Variants in ITCH observed in about 807,000 individuals in gnomAD.
The protein encoded by ITCH is E3 ubiquitin-protein ligase Itchy homolog.
ITCH carries 28 observed loss-of-function variants against 126.8 expected under a neutral mutation model. The ratio of observed to expected loss-of-function variants is 0.22; its 90% CI spans 0.16 to 0.30. The LOEUF (loss-of-function observed/expected upper bound fraction) is 0.30. ITCH is among the 10% of genes least tolerant of loss of function. ITCH has a pLI of 1.00. For missense variants in ITCH, 631 were observed against 1,032.4 expected, an observed-to-expected ratio of 0.61 and a Z score of 5.33; for synonymous variants, 342 against 340.0, an observed-to-expected ratio of 1.01 and a Z score of -0.06.
chr20:34,464,622 C>T (rs1986875392), intron 14 of ITCH, among the ~76,000 whole-genome samples: 1 of 152,082 alleles, frequency 6.6e-6, no homozygotes, highest in African/African-American at 2.4e-5. Flanking sequence ...GCTCCGCGCC[C>T]AGCCTGTCAG....
At chr20:34,387,665 AGACT>A (rs1019684590) in intron 2 of ITCH, among the ~76,000 whole-genome samples, 5 of 151,586 alleles carry the variant, frequency 3.3e-5, no homozygotes, top group African/African-American at 1.2e-4. Flanking sequence ...TGTAACTGAC[AGACT>A]AATAGGTAAT....
At chr20:34,470,718 C>T (rs1350416710) in intron 15 of ITCH, among the ~76,000 whole-genome samples, 1 of 152,030 alleles carries the variant, frequency 6.6e-6, no homozygotes, top group Middle Eastern at 3.2e-3. Context: ...TCAGCCTTCT[C>T]GCTAGCTGAC....
At chr20:34,443,347 T>A (rs563435966) in intron 10 of ITCH, among the ~76,000 whole-genome samples, 1 of 151,850 alleles carries the variant, frequency 6.6e-6, no homozygotes, top group East Asian at 1.9e-4. Context: ...CCGTCTCTAC[T>A]AAAAATACAA....
At chr20:34,458,637 C>T (rs901225329) in intron 13 of ITCH, among the ~76,000 whole-genome samples, 3 of 152,202 alleles carry the variant, frequency 2.0e-5, no homozygotes, top group South Asian at 2.1e-4. Context: ...CATGCTCACT[C>T]AGAAGATACT....
chr20:34,440,449 A>T (rs1983599421), intron 9 of ITCH, 105 bp downstream of exon 9: 1 of 871,710 alleles, frequency 1.1e-6, no homozygotes, highest in Non-Finnish European at 1.9e-6. Flanking sequence ...CATTGTTTTG[A>T]TGACTGTTTT....
In ITCH at chr20:34,508,372, A is replaced by G. The variant is rs549275297; in HGVS notation, c.*578A>G. On this transcript the variant is annotated 3_prime_UTR_variant, in exon 25 of 25. Coordinates refer to ENST00000374864, the MANE Select transcript of ITCH (RefSeq NM_031483.7). The stretch of plus-strand genomic sequence containing the variant: ...TGAGGCAAGACTCTTGCATCTCTAC[A>G]AAGTAGTTTTGTCAATTTGAATTCA... 6 of 158,354 alleles carry G rather than the reference A, an allele frequency of 3.8e-5. No homozygotes were observed. The highest frequency in any genetic ancestry group is 3.4e-3 in the Middle Eastern group (1 of 296). 9.8% of individuals were successfully genotyped at this position (158,354 alleles called of 1,614,324 possible).
In ITCH at chr20:34,468,201, A is replaced by G. The variant is rs1176575977; in HGVS notation, c.1425-1847A>G. Among the ~76,000 whole-genome samples, 3 of 151,668 alleles carry G rather than the reference A, an allele frequency of 2.0e-5. No homozygotes were observed. In the East Asian group the frequency reaches 5.9e-4, roughly 30 times the overall value. On this transcript the variant is annotated intron_variant, in intron 14 of 24. Transcript: ENST00000374864. ...AGACGCCCGCCACCACACCTGGCTA[A>G]TTTTTTGTATTTTTAGTAGAGACGG... is the stretch of plus-strand genomic sequence containing the variant.
chr20:34,445,263 T>G (rs199941333), intron 10 of ITCH, 24 bp from the exon 11 acceptor site: 11 of 1,556,994 alleles, frequency 7.1e-6, no homozygotes, highest in East Asian at 2.3e-5. Flanking sequence ...TTAGCTTGTT[T>G]TTTTTTTTTT....
chr20:34,371,550 C>T (rs1403073474), intron 2 of ITCH, among the ~76,000 whole-genome samples: 1 of 151,996 alleles, frequency 6.6e-6, no homozygotes, highest in Non-Finnish European at 1.5e-5. Flanking sequence ...TCCCAAAGTG[C>T]TGGGATTATA....
Position 34,445,277 on chromosome 20 carries a change from T to TTC in ITCH, c.966-10_966-9insTC, listed in dbSNP as rs1984309516. On this transcript the variant is annotated splice_polypyrimidine_tract_variant and intron_variant, in intron 10 of 24. Transcript: ENST00000374864. ...ATTAGCTTGTTTTTTTTTTTTTTTT[T>TTC]CTGATTTAGCTGGGAACGGCGGGTT... 1 of 1,597,906 alleles carries TTC rather than the reference T, an allele frequency of 6.3e-7. No individual in the cohort carries two copies. Among genetic ancestry groups the TTC allele is most frequent in the Non-Finnish European group, 8.5e-7 (1 of 1,174,980 alleles).
chr20:34,457,377 G>T lies in ITCH; in HGVS notation c.1211-13G>T. On this transcript the variant is annotated splice_polypyrimidine_tract_variant and intron_variant, in intron 12 of 24. Coordinates refer to ENST00000374864, the MANE Select transcript of ITCH (RefSeq NM_031483.7). ...TAATGCTTTGCTTTCCCCTGCCCCT[G>T]CCCTTCCCAAAGAGAAGAGAACAGA... 3 of 1,597,358 alleles carry T rather than the reference G, an allele frequency of 1.9e-6. No homozygotes were observed. Among genetic ancestry groups the T allele is most frequent in the Non-Finnish European group, 1.7e-6 (2 of 1,165,192 alleles).
chr20:34,391,227 C>T (rs2038480011), intron 2 of ITCH, among the ~76,000 whole-genome samples: 1 of 152,118 alleles, frequency 6.6e-6, no homozygotes, highest in African/African-American at 2.4e-5. Flanking sequence ...TTTAGAACTT[C>T]AAACAATACA....
At chr20:34,501,327 T>A (rs1990231577) in intron 23 of ITCH, among the ~76,000 whole-genome samples, 2 of 152,250 alleles carry the variant, frequency 1.3e-5, no homozygotes, top group Admixed American at 1.3e-4. Context: ...ATATAAGGGA[T>A]TAAATTTTTT....
intron 2 of ITCH, among the ~76,000 whole-genome samples, chr20:34,391,301 A>C (rs2038483842): frequency 6.6e-6 from 1 of 152,162 alleles, no homozygotes; most frequent in Non-Finnish European, 1.5e-5. Flanking sequence ...CCTGAATGGA[A>C]TGTATACTTT....
At chr20:34,383,931 G>T (rs956365685) in intron 2 of ITCH, among the ~76,000 whole-genome samples, 2 of 138,844 alleles carry the variant, frequency 1.4e-5, no homozygotes, top group African/African-American at 5.4e-5. Context: ...CGCAACCTCT[G>T]CCTCCTGGGT....
chr20:34,457,461 C>T lies in ITCH; in HGVS notation c.1282C>T (p.Pro428Ser). The part of the protein sequence containing the change: ...HNTRITQWED[P>S]RSQGQLNEKP... ...CACACGAATTACACAATGGGAAGACCCCAGAAGTCAAGGGTAAGAATAGTT... is the reference window on the plus strand; with the variant it reads ...CACACGAATTACACAATGGGAAGACTCCAGAAGTCAAGGGTAAGAATAGTT... The change falls in exon 13 of 25, where the codon CCC becomes TCC. Residue 428 changes from proline (P) to serine (S), a missense_variant. Coordinates refer to ENST00000374864, the MANE Select transcript of ITCH (RefSeq NM_031483.7). 1 of 1,607,536 alleles carries T rather than the reference C, an allele frequency of 6.2e-7. No homozygotes were observed. Among genetic ancestry groups the T allele is most frequent in the Non-Finnish European group, 8.5e-7 (1 of 1,174,302 alleles).
At chr20:34,464,296 C>CT (rs1335251611) in intron 14 of ITCH, among the ~76,000 whole-genome samples, 195 of 137,784 alleles carry the variant, frequency 1.4e-3, no homozygotes, top group Non-Finnish European at 1.4e-3. Context: ...CCTGTTTTTT[C>CT]TTTTTTTTTT....
intron 2 of ITCH, among the ~76,000 whole-genome samples, chr20:34,386,167 T>C (rs1372611671): frequency 6.6e-6 from 1 of 151,874 alleles, no homozygotes; most frequent in African/African-American, 2.4e-5. Flanking sequence ...AGTGCAGTGG[T>C]GTGATCTCAG....
intron 2 of ITCH, among the ~76,000 whole-genome samples, chr20:34,372,159 G>A (rs1243500379): frequency 6.6e-6 from 1 of 151,138 alleles, no homozygotes; most frequent in Non-Finnish European, 1.5e-5. Flanking sequence ...ACAAAAATTA[G>A]CTGGGCGTGG....
Sources: allele counts gnomAD v4.1 joint callset (sites outside exome capture counted in the v4.1 genomes callset), GRCh38; gene constraint gnomAD v4.1.1; transcripts MANE v1.5; gene names NCBI Gene and HGNC (gene_info 2026-07-23, HGNC 2026-07-21).